Variants in CPT1A observed in about 807,000 individuals in gnomAD.
The protein encoded by CPT1A is carnitine O-palmitoyltransferase 1, liver isoform.
In CPT1A, 64 loss-of-function variants were observed where a neutral mutation model predicts 100.8. The observed-to-expected ratio is 0.63, with a 90% confidence interval of 0.52 to 0.78. The LOEUF is 0.78. CPT1A is among the 30% of genes least tolerant of loss of function. The probability of loss-of-function intolerance (pLI) is 0.00; values close to 1 mark genes in which losing one functional copy is unlikely to be tolerated. For missense variants in CPT1A, 802 were observed against 1,034.1 expected (o/e 0.78, Z 3.08); for synonymous variants, 363 against 396.0 (o/e 0.92, Z 0.99).
At chr11:68,784,652 A>G (rs1406562221) in intron 10 of CPT1A, among the ~76,000 whole-genome samples, 163 bp downstream of exon 10, 2 of 152,026 alleles carry the variant, frequency 1.3e-5, no homozygotes, top group African/African-American at 2.4e-5. Context: ...CCATGTCCCC[A>G]TTGCTCTTGA....
intron 6 of CPT1A, 42 bp from the exon 7 acceptor site, chr11:68,796,975 G>A: frequency 6.2e-7 from 1 of 1,600,802 alleles, no homozygotes; most frequent in South Asian, 1.1e-5. Flanking sequence ...GGCTCAGCAG[G>A]GGCCAGGCAG....
intron 1 of CPT1A, among the ~76,000 whole-genome samples, chr11:68,830,136 GATGTGGTGGCGC>G (rs1856841490): frequency 6.6e-6 from 1 of 152,138 alleles, no homozygotes; most frequent in Non-Finnish European, 1.5e-5. Context: ...AAATTAGCTG[GATGTGGTGGCGC>G]ACACCGGTGG....
chr11:68,797,946 C>T (rs1855796810), intron 6 of CPT1A, among the ~76,000 whole-genome samples: 1 of 152,306 alleles, frequency 6.6e-6, no homozygotes, highest in South Asian at 2.1e-4. Context: ...CCACTGCACT[C>T]CAGCCTGGGT....
intron 13 of CPT1A, chr11:68,773,730 G>C (rs951507022): frequency 3.6e-5 from 14 of 384,636 alleles, no homozygotes; most frequent in African/African-American, 2.9e-4. Context: ...GTTGTGAACT[G>C]TCTCTCTAAA....
At chr11:68,791,462 C>T (rs549628299) in intron 9 of CPT1A, among the ~76,000 whole-genome samples, 99 of 152,308 alleles carry the variant, frequency 6.5e-4, no homozygotes, top group African/African-American at 1.1e-3. Context: ...GTACAATGGA[C>T]GACAGTGTGT....
At chr11:68,760,903 C>T (rs1946795275) in intron 16 of CPT1A, among the ~76,000 whole-genome samples, 1 of 151,794 alleles carries the variant, frequency 6.6e-6, no homozygotes, top group Admixed American at 6.6e-5. Context: ...TGCCTGTAAT[C>T]CCAGCTACTT....
chr11:68,829,595 T>A (rs764244624), intron 1 of CPT1A, among the ~76,000 whole-genome samples: 2 of 152,076 alleles, frequency 1.3e-5, no homozygotes, highest in African/African-American at 2.4e-5. Context: ...TACAGATGGA[T>A]GAAAAGGGAA....
intron 1 of CPT1A, among the ~76,000 whole-genome samples, chr11:68,838,572 T>TTAAAAAAAA (rs1491356211): frequency 8.4e-5 from 8 of 95,514 alleles, no homozygotes; most frequent in African/African-American, 1.5e-4. Context: ...TGCACCTTTT[T>TTAAAAAAAA]AAAAAAAAAA....
intron 9 of CPT1A, among the ~76,000 whole-genome samples, chr11:68,787,763 G>A (rs144802179): frequency 2.0e-3 from 302 of 151,958 alleles, no homozygotes; most frequent in African/African-American, 6.3e-3. Context: ...CCTACATGGT[G>A]AAAACTCGTC....
chr11:68,799,432 C>T, intron 5 of CPT1A, 77 bp from the exon 6 acceptor site: 1 of 1,532,440 alleles, frequency 6.5e-7, no homozygotes, highest in Non-Finnish European at 9.0e-7. Flanking sequence ...TCACTTGTGC[C>T]TTAGGAAAAG....
At chr11:68,758,403 G>A (rs556739935) in intron 18 of CPT1A, among the ~76,000 whole-genome samples, 1 of 152,224 alleles carries the variant, frequency 6.6e-6, no homozygotes, top group Non-Finnish European at 1.5e-5. Context: ...TAAGGGCAAT[G>A]TGCCATGCTA....
At chr11:68,813,651 C>T (rs1328872243) in intron 2 of CPT1A, among the ~76,000 whole-genome samples, 3 of 149,312 alleles carry the variant, frequency 2.0e-5, no homozygotes, top group East Asian at 2.0e-4. Flanking sequence ...GAGCCGTGAT[C>T]GCACCACTGC....
chr11:68,759,522 G>T, intron 18 of CPT1A, 47 bp downstream of exon 18: 1 of 1,228,720 alleles, frequency 8.1e-7, no homozygotes, highest in Non-Finnish European at 1.2e-6. Flanking sequence ...AAAGAATAAA[G>T]CAAAAATACC....
chr11:68,791,054 C>G (rs1855599811), intron 9 of CPT1A, among the ~76,000 whole-genome samples: 2 of 152,148 alleles, frequency 1.3e-5, no homozygotes, highest in African/African-American at 4.8e-5. Flanking sequence ...GAACTCCTGA[C>G]CTCAGGTGAT....
At chr11:68,811,950 G>T (rs1856223556) in intron 3 of CPT1A, among the ~76,000 whole-genome samples, 1 of 112,138 alleles carries the variant, frequency 8.9e-6, no homozygotes, top group African/African-American at 4.4e-5. Flanking sequence ...AGGAGGGACG[G>T]GGGGGTCCCT....
intron 10 of CPT1A, among the ~76,000 whole-genome samples, chr11:68,784,160 G>A (rs978106232): frequency 7.9e-5 from 12 of 152,210 alleles, no homozygotes; most frequent in Non-Finnish European, 1.5e-4. Flanking sequence ...ACTGCGCCCG[G>A]CCTGATTCTT....
In CPT1A at chr11:68,757,214, A is replaced by AT; in HGVS notation, c.*429dup. 1 of 830,972 alleles carries AT rather than the reference A, an allele frequency of 1.2e-6. No homozygotes were observed. The highest frequency in any genetic ancestry group is 1.5e-6 in the Non-Finnish European group (1 of 665,012). The allele number at this position is 830,972 out of a possible 1,614,324, so 51.5% of individuals were successfully genotyped here. On this transcript the variant is annotated 3_prime_UTR_variant, in exon 19 of 19. Transcript: ENST00000265641. ...CTGGGGACACCAACTTGAATAACAC[A>AT]TTTTTCTTTTAACAAAACAAAAGTT...
rs140999795 is a variant in CPT1A, at chr11:68,784,810, C to T, written c.1163+5G>A. On this transcript the variant is annotated splice_donor_5th_base_variant and intron_variant, in intron 10 of 18. Transcript: ENST00000265641. Reference sequence around the variant, plus strand: ...AAAACAGGACAAGGGACCTAGGCTGCGCACCTGTCTCCTGCGGTGAGGGCT... The same window carrying T: ...AAAACAGGACAAGGGACCTAGGCTGTGCACCTGTCTCCTGCGGTGAGGGCT... The T allele has an allele frequency of 3.5e-4, 569 of 1,606,836 alleles. 1 individual carries two copies. The African/African-American group carries it at 5.8e-3, about 16-fold the overall frequency.
At chr11:68,776,091 A>G (rs1855131474) in intron 12 of CPT1A, among the ~76,000 whole-genome samples, 1 of 152,240 alleles carries the variant, frequency 6.6e-6, no homozygotes, top group Non-Finnish European at 1.5e-5. Flanking sequence ...TGAACCTTGA[A>G]AACATTATGC....
Sources: allele counts gnomAD v4.1 joint callset (sites outside exome capture counted in the v4.1 genomes callset), GRCh38; gene constraint gnomAD v4.1.1; transcripts MANE v1.5; gene names NCBI Gene and HGNC (gene_info 2026-07-23, HGNC 2026-07-21).